GPNMB: variants seen among roughly 807,000 people sequenced by gnomAD.
The protein encoded by GPNMB is glycoprotein nmb.
A neutral mutation model predicts 57.3 loss-of-function variants in GPNMB; 71 were observed. That is an observed-to-expected ratio of 1.24 (90% CI 1.02 to 1.51). The LOEUF is 1.51. Among genes scored for constraint, GPNMB ranks in the 40% most tolerant of loss-of-function variants. The probability of loss-of-function intolerance (pLI) is 0.00; values close to 1 mark genes in which losing one functional copy is unlikely to be tolerated. For missense variants in GPNMB, 677 were observed against 691.9 expected (o/e 0.98, Z 0.24); for synonymous variants, 253 against 263.2 (o/e 0.96, Z 0.38).
Position 23,270,230 on chromosome 7 carries a change from T to A in GPNMB, c.1429+55T>A, listed in dbSNP as rs1179782159. 13 of 1,217,696 alleles carry A rather than the reference T, an allele frequency of 1.1e-5. No individual in the cohort carries two copies. In the East Asian group the frequency reaches 2.8e-4, roughly 26 times the overall value. The allele number at this position is 1,217,696 out of a possible 1,614,324, so 75.4% of individuals were successfully genotyped here. On this transcript the variant is annotated intron_variant, in intron 9 of 10. Coordinates refer to ENST00000258733, the MANE Select transcript of GPNMB (RefSeq NM_002510.3). ...TTTCATACTGCAAGTAAAGTGTGTA[T>A]CCCATACTAAAGCTATTTAGGCCTT...
intron 10 of GPNMB, 99 bp from the exon 11 acceptor site, chr7:23,273,966 G>C: frequency 1.1e-6 from 1 of 888,400 alleles, no homozygotes; most frequent in South Asian, 1.7e-5. Context: ...ATGTTAAATG[G>C]AATGAATCCT....
At chr7:23,247,178 C>A in intron 1 of GPNMB, 1 of 505,440 alleles carries the variant, frequency 2.0e-6, no homozygotes, top group Non-Finnish European at 3.6e-6. Flanking sequence ...AGCTTCTTTT[C>A]CATTGCAATT....
chr7:23,272,020 T>G (rs940201024), intron 9 of GPNMB, among the ~76,000 whole-genome samples: 2 of 152,046 alleles, frequency 1.3e-5, no homozygotes, highest in African/African-American at 4.8e-5. Context: ...GGAAGGTGGA[T>G]CAGGGCCTGG....
intron 2 of GPNMB, among the ~76,000 whole-genome samples, 169 bp from the exon 3 acceptor site, chr7:23,254,000 T>C (rs573314285): frequency 2.0e-5 from 3 of 152,206 alleles, no homozygotes; most frequent in Non-Finnish European, 4.4e-5. Context: ...ATTTATCTTC[T>C]AGAGTGTTGT....
intron 1 of GPNMB, among the ~76,000 whole-genome samples, chr7:23,252,483 C>T (rs973018090): frequency 2.0e-5 from 3 of 152,164 alleles, no homozygotes; most frequent in Non-Finnish European, 2.9e-5. Flanking sequence ...TCAAAGTATT[C>T]TTTAGAACAA....
At chr7:23,263,380 G>A (rs1326193237) in intron 6 of GPNMB, among the ~76,000 whole-genome samples, 1 of 152,136 alleles carries the variant, frequency 6.6e-6, no homozygotes, top group Non-Finnish European at 1.5e-5. Context: ...GGGAGGCCGA[G>A]GCAGGTGGAT....
intron 7 of GPNMB, 83 bp downstream of exon 7, chr7:23,266,698 G>A (rs751411359): frequency 7.1e-6 from 9 of 1,269,762 alleles, no homozygotes; most frequent in Non-Finnish European, 9.9e-6. Flanking sequence ...CTCTGAAGGG[G>A]TAGAGGTAGG....
At chr7:23,265,765 T>G (rs6967499) in intron 6 of GPNMB, among the ~76,000 whole-genome samples, 1,809 of 151,920 alleles carry the variant, frequency 0.012, 48 homozygotes, top group African/African-American at 0.042. Flanking sequence ...GGTATTGTTC[T>G]TATTTTACAG....
intron 6 of GPNMB, among the ~76,000 whole-genome samples, chr7:23,263,013 A>G (rs1387379341): frequency 4.0e-5 from 6 of 151,872 alleles, no homozygotes; most frequent in African/African-American, 1.5e-4. Flanking sequence ...GCTTCATTCT[A>G]GTAATCCTTT....
chr7:23,270,613 G>C (rs1235861473), intron 9 of GPNMB, among the ~76,000 whole-genome samples: 2 of 152,138 alleles, frequency 1.3e-5, no homozygotes, highest in Admixed American at 6.5e-5. Context: ...GAAGAGAAAT[G>C]AGACACAAGC....
chr7:23,254,156 T>C lies in GPNMB; in HGVS notation c.224-13T>C. 1.3e-6 allele frequency: 2 copies of C among 1,592,566 alleles called. No homozygotes were observed. The highest frequency in any genetic ancestry group is 1.1e-5 in the South Asian group (1 of 87,166). ...GATGCTGGATCATCGAGCCCCACTTTTTTATACCCTAGGAGGCCGTGTGCA... is the reference window on the plus strand; with the variant it reads ...GATGCTGGATCATCGAGCCCCACTTCTTTATACCCTAGGAGGCCGTGTGCA... On this transcript the variant is annotated splice_polypyrimidine_tract_variant and intron_variant, in intron 2 of 10. Coordinates refer to ENST00000258733, the MANE Select transcript of GPNMB (RefSeq NM_002510.3).
At chr7:23,262,941 T>C (rs946561647) in intron 6 of GPNMB, among the ~76,000 whole-genome samples, 9 of 152,226 alleles carry the variant, frequency 5.9e-5, no homozygotes, top group African/African-American at 2.2e-4. Context: ...TATTGATGGA[T>C]GATTAGATTA....
chr7:23,259,552 TAA>T (rs1243878294), intron 4 of GPNMB, among the ~76,000 whole-genome samples: 8 of 152,190 alleles, frequency 5.3e-5, no homozygotes, highest in Non-Finnish European at 1.2e-4. Context: ...AAAATCCACT[TAA>T]TAATATAGCG....
chr7:23,270,025 A>G lies in GPNMB; in HGVS notation c.1279A>G (p.Thr427Ala), dbSNP rs1783161968. ...CCCCACCTGCGAGATCACCCAGAAC[A>G]CAGTCTGCAGCCCTGTGGATGTGGA... ...SDPTCEITQN[T>A]VCSPVDVDEM... The change falls in exon 9 of 11, where the codon ACA (threonine) becomes GCA (alanine). Residue 427 changes from threonine to alanine, a missense_variant. By Grantham distance (58) the Thr-to-Ala change is moderately conservative. Coordinates refer to ENST00000258733, the MANE Select transcript of GPNMB (RefSeq NM_002510.3). 6.2e-7 allele frequency: 1 copy of G among 1,614,028 alleles called. No homozygotes were observed. The highest frequency in any genetic ancestry group is 1.6e-4 in the Middle Eastern group (1 of 6,062).
chr7:23,269,527 G>A (rs533942705), intron 8 of GPNMB, among the ~76,000 whole-genome samples: 156 of 152,338 alleles, frequency 1.0e-3, no homozygotes, highest in Middle Eastern at 6.8e-3. Flanking sequence ...AATAAGTCCT[G>A]CAAAAACAGC....
intron 6 of GPNMB, among the ~76,000 whole-genome samples, chr7:23,264,152 C>A (rs1278114166): frequency 1.3e-5 from 2 of 151,210 alleles, no homozygotes; most frequent in Non-Finnish European, 2.9e-5. Context: ...AATACTCTCT[C>A]TATATATAAA....
In GPNMB at chr7:23,270,500, G is replaced by T. The variant is rs187943483; in HGVS notation, c.1429+325G>T. ...TGTATTTCAAGGAGAAAGTTTAAAG[G>T]CCAATATCAAAAAATAGCAGTGTTC... On this transcript the variant is annotated intron_variant, in intron 9 of 10. Coordinates refer to ENST00000258733, the MANE Select transcript of GPNMB (RefSeq NM_002510.3). Among the ~76,000 whole-genome samples, 5 of 151,594 alleles carry T rather than the reference G, an allele frequency of 3.3e-5. No homozygotes were observed. The East Asian group carries it at 9.9e-4, about 30-fold the overall frequency.
intron 1 of GPNMB, among the ~76,000 whole-genome samples, chr7:23,250,444 AT>A (rs1782635373): frequency 6.6e-6 from 1 of 152,108 alleles, no homozygotes; most frequent in Non-Finnish European, 1.5e-5. Context: ...TTTGTCCAAA[AT>A]CAAGCCAGGC....
At chr7:23,248,357 G>T (rs1192794317) in intron 1 of GPNMB, among the ~76,000 whole-genome samples, 1 of 152,068 alleles carries the variant, frequency 6.6e-6, no homozygotes, top group African/African-American at 2.4e-5. Flanking sequence ...AGTCCACTTC[G>T]CTCTGCTCAA....
Sources: gnomAD v4.1 joint callset for allele counts (sites outside exome capture counted in the v4.1 genomes callset) on GRCh38, gnomAD v4.1.1 for gene constraint, MANE v1.5 for transcripts, NCBI Gene and HGNC (gene_info 2026-07-23, HGNC 2026-07-21) for gene names.